PLPBP: variants seen among roughly 807,000 people sequenced by gnomAD.
PLPBP encodes the protein pyridoxal phosphate homeostasis protein.
PLPBP carries 21 observed loss-of-function variants against 31.2 expected under a neutral mutation model. The observed-to-expected ratio is 0.67, with a 90% CI of 0.48 to 0.97. PLPBP has a LOEUF of 0.97. PLPBP is among the 50% of genes least tolerant of loss of function. The probability of loss-of-function intolerance (pLI) is 0.00; values close to 1 mark genes in which losing one functional copy is unlikely to be tolerated. For missense variants in PLPBP, 308 were observed against 354.4 expected (o/e 0.87, Z 1.05); for synonymous variants, 124 against 135.6 (o/e 0.91, Z 0.59).
intron 1 of PLPBP, among the ~76,000 whole-genome samples, chr8:37,763,225 C>G (rs528780913): frequency 1.5e-4 from 23 of 152,316 alleles, no homozygotes; most frequent in African/African-American, 5.5e-4. Context: ...TGAGGGTGGA[C>G]TGGCCGGACT....
At chr8:37,765,999 G>A (rs1803617625) in intron 3 of PLPBP, among the ~76,000 whole-genome samples, 1 of 152,064 alleles carries the variant, frequency 6.6e-6, no homozygotes, top group Non-Finnish European at 1.5e-5. Flanking sequence ...CTGTAATCTT[G>A]GATCTTTTCA....
chr8:37,772,512 T>C (rs1164993469), intron 4 of PLPBP, among the ~76,000 whole-genome samples: 4 of 152,254 alleles, frequency 2.6e-5, no homozygotes, highest in African/African-American at 9.6e-5. Context: ...TGGATGTATA[T>C]GCTGCCTGAT....
chr8:37,768,555 C>T (rs1286156999), intron 4 of PLPBP, among the ~76,000 whole-genome samples: 1 of 149,946 alleles, frequency 6.7e-6, no homozygotes, highest in Non-Finnish European at 1.5e-5. Context: ...TTTCTGCAAC[C>T]TCCGCTTCCC....
chr8:37,765,821 G>A lies in PLPBP; in HGVS notation c.243+75G>A. Reference sequence around the variant, plus strand: ...AGTTGAAAATTAGACCCATCCTGGTGGTTGAGTTGTACAGCAGTTTTAGGG... The same window carrying A: ...AGTTGAAAATTAGACCCATCCTGGTAGTTGAGTTGTACAGCAGTTTTAGGG... On this transcript the variant is annotated intron_variant, in intron 3 of 7. Coordinates refer to ENST00000328195, the MANE Select transcript of PLPBP (RefSeq NM_007198.4). 5 of 1,529,728 alleles carry A rather than the reference G, an allele frequency of 3.3e-6. No homozygotes were observed. The East Asian group carries it at 9.0e-5, about 28-fold the overall frequency. 94.8% of individuals were successfully genotyped at this position (1,529,728 alleles called of 1,614,324 possible).
chr8:37,766,387 G>C (rs1277551318), intron 4 of PLPBP, 32 bp downstream of exon 4: 8 of 1,578,492 alleles, frequency 5.1e-6, no homozygotes, highest in Non-Finnish European at 5.2e-6. Context: ...AAACAAAATT[G>C]TTCTGTCATT....
chr8:37,777,476 C>G (rs1357313242), intron 7 of PLPBP, among the ~76,000 whole-genome samples: 1 of 152,140 alleles, frequency 6.6e-6, no homozygotes, highest in Non-Finnish European at 1.5e-5. Flanking sequence ...AACTTGTTTC[C>G]TATATATGCC....
chr8:37,775,843 G>A, intron 6 of PLPBP, 75 bp from the exon 7 acceptor site: 1 of 1,367,424 alleles, frequency 7.3e-7, no homozygotes, highest in Non-Finnish European at 1.0e-6. Context: ...CGTTGTCAGA[G>A]AAGTTCAGAT....
intron 5 of PLPBP, among the ~76,000 whole-genome samples, chr8:37,773,578 C>T (rs1271254782): frequency 2.6e-5 from 4 of 151,820 alleles, no homozygotes; most frequent in East Asian, 1.9e-4. Flanking sequence ...AAGCGATTCT[C>T]CTGCCTCAGC....
In PLPBP at chr8:37,762,698, C is replaced by T. The variant is rs1391609258; in HGVS notation, c.39C>T (p.Val13=). The part of the protein sequence containing the change: ...RAGSMSAELG[V]GCALRAVNER... The stretch of plus-strand genomic sequence containing the variant: ...GCAGCATGTCGGCCGAGCTGGGAGT[C>T]GGGTGCGCATTGCGGGCGGTGAACG... The change falls in exon 1 of 8, where the codon GTC becomes GTT. Residue 13 remains valine (V), a synonymous_variant. Transcript: ENST00000328195. 4 of 1,591,056 alleles carry T rather than the reference C, an allele frequency of 2.5e-6. No homozygotes were observed. The highest frequency in any genetic ancestry group is 3.4e-6 in the Non-Finnish European group (4 of 1,172,746).
At chr8:37,764,685 G>A (rs1585929026) in intron 1 of PLPBP, among the ~76,000 whole-genome samples, 1 of 152,186 alleles carries the variant, frequency 6.6e-6, no homozygotes, top group South Asian at 2.1e-4. Flanking sequence ...GCCACTTTTA[G>A]AGTAAATGGG....
At position 37,778,619 on chromosome 8, in the gene PLPBP, A is replaced by G. The variant is rs1333917825; in HGVS notation, c.*515A>G. 6.6e-6 allele frequency: 1 copy of G among 152,476 alleles called. No homozygotes were observed. The highest frequency in any genetic ancestry group is 1.5e-5 in the Non-Finnish European group (1 of 68,274). 9.4% of individuals were successfully genotyped at this position (152,476 alleles called of 1,614,324 possible). Reference sequence around the variant, plus strand: ...AAGATATTCCCAACTGTGGAATGGCAGTGTAGGTAGCTTCAGGAAATGGCT... The same window carrying G: ...AAGATATTCCCAACTGTGGAATGGCGGTGTAGGTAGCTTCAGGAAATGGCT... On this transcript the variant is annotated 3_prime_UTR_variant, in exon 8 of 8. Coordinates refer to ENST00000328195, the MANE Select transcript of PLPBP (RefSeq NM_007198.4).
At chr8:37,765,386 G>A in intron 1 of PLPBP, 140 bp from the exon 2 acceptor site, 1 of 749,866 alleles carries the variant, frequency 1.3e-6, no homozygotes. Context: ...ATATTGATCT[G>A]CCTACAGTGT....
rs1337260003 is a variant in PLPBP, at chr8:37,772,786, G to A, written c.351G>A (p.Val117=). ...AVPNLFMLET[V]DSVKLADKVN... is the part of the protein sequence containing the mutation. ...CCAATCTCTTCATGCTGGAAACAGTGGATTCTGTGAAGTTGGCAGACAAAG... is the reference window on the plus strand; with the variant it reads ...CCAATCTCTTCATGCTGGAAACAGTAGATTCTGTGAAGTTGGCAGACAAAG... Residue 117 remains valine, a synonymous_variant, in exon 5 of 8, where the codon GTG becomes GTA. Coordinates refer to ENST00000328195, the MANE Select transcript of PLPBP (RefSeq NM_007198.4). 4.3e-6 allele frequency: 7 copies of A among 1,614,172 alleles called. No individual in the cohort carries two copies. The highest frequency in any genetic ancestry group is 5.9e-6 in the Non-Finnish European group (7 of 1,180,024).
Position 37,776,099 on chromosome 8 carries a change from T to C in PLPBP, c.696+83T>C, listed in dbSNP as rs972106376. 10 of 1,325,100 alleles carry C rather than the reference T, an allele frequency of 7.5e-6. No homozygotes were observed. The African/African-American group carries it at 1.2e-4, about 15-fold the overall frequency. The allele number at this position is 1,325,100 out of a possible 1,614,324, so 82.1% of individuals were successfully genotyped here. A position where few individuals can be genotyped will look rare whatever the true frequency, so the allele number is the denominator to read the frequency against. ...GGCTGACACAAGAGCAGATCTTTGC[T>C]GTAGAAGCCTTGGAAATGCCTTGGG... On this transcript the variant is annotated intron_variant, in intron 7 of 7. Transcript: ENST00000328195.
At chr8:37,762,619 G>A (rs751994469), upstream of PLPBP, 2 of 1,542,854 alleles carry the variant, frequency 1.3e-6, no homozygotes, top group Non-Finnish European at 1.7e-6. Context: ...TGTGAGCCAC[G>A]GGCTGCCGGG....
intron 1 of PLPBP, among the ~76,000 whole-genome samples, chr8:37,763,482 C>G (rs1261399737): frequency 6.6e-6 from 1 of 152,160 alleles, no homozygotes; most frequent in Non-Finnish European, 1.5e-5. Context: ...AAGACAAGAC[C>G]TGTATTATAG....
At chr8:37,763,149 C>A (rs1480674741) in intron 1 of PLPBP, among the ~76,000 whole-genome samples, 1 of 152,114 alleles carries the variant, frequency 6.6e-6, no homozygotes, top group Non-Finnish European at 1.5e-5. Context: ...CGCCCGAGAT[C>A]GCGTGTGTGG....
chr8:37,762,803 A>C (rs976970013), intron 1 of PLPBP, 45 bp downstream of exon 1: 1 of 1,527,650 alleles, frequency 6.5e-7, no homozygotes, highest in African/African-American at 1.4e-5. Context: ...CCGCCTTGAG[A>C]AGAGGGACAC....
intron 4 of PLPBP, among the ~76,000 whole-genome samples, chr8:37,767,799 CTTTTTTTTT>C (rs1175107737): frequency 3.0e-5 from 3 of 98,936 alleles, no homozygotes; most frequent in African/African-American, 1.3e-4. Flanking sequence ...CTTTTATTTA[CTTTTTTTTT>C]TTTTTTTTTT....
Sources: gnomAD v4.1 joint callset for allele counts (sites outside exome capture counted in the v4.1 genomes callset) on GRCh38, gnomAD v4.1.1 for gene constraint, MANE v1.5 for transcripts, NCBI Gene and HGNC (gene_info 2026-07-23, HGNC 2026-07-21) for gene names.